Variants in ST6GAL1 observed in about 807,000 individuals in gnomAD.
ST6GAL1 encodes the protein ST6 beta-galactoside alpha-2,6-sialyltransferase 1.
A neutral mutation model predicts 38.0 loss-of-function variants in ST6GAL1; 20 were observed. The observed-to-expected ratio is 0.53, with a 90% CI of 0.37 to 0.77. The LOEUF (loss-of-function observed/expected upper bound fraction) is 0.77, where lower values mean the gene tolerates loss of function less well. Ranked by LOEUF, ST6GAL1 falls within the 30% of genes least tolerant of loss-of-function variation. The probability of loss-of-function intolerance (pLI) is 0.00; values close to 1 mark genes in which losing one functional copy is unlikely to be tolerated. For synonymous variants in ST6GAL1, 196 were observed against 188.2 expected (o/e 1.04, Z -0.34); for missense variants, 432 against 496.4 (o/e 0.87, Z 1.23).
intron 1 of ST6GAL1, 117 bp from the exon 2 acceptor site, chr3:186,963,668 A>G (rs1217418661): frequency 6.6e-6 from 1 of 152,276 alleles, no homozygotes; most frequent in Non-Finnish European, 1.5e-5. Context: ...CCTGGAAAGG[A>G]GGCTGGCTGC....
chr3:187,012,075 C>A (rs753019166), intron 2 of ST6GAL1, among the ~76,000 whole-genome samples: 2 of 152,138 alleles, frequency 1.3e-5, no homozygotes, highest in Non-Finnish European at 2.9e-5. Flanking sequence ...CCTCCCCACT[C>A]ACTGTTTGCC....
At chr3:187,060,042 T>G (rs1193938273) in intron 5 of ST6GAL1, among the ~76,000 whole-genome samples, 1 of 152,034 alleles carries the variant, frequency 6.6e-6, no homozygotes, top group African/African-American at 2.4e-5. Flanking sequence ...GGTACAGTTT[T>G]GTGTGGAAGG....
At chr3:186,991,851 C>G (rs983280541) in intron 2 of ST6GAL1, among the ~76,000 whole-genome samples, 13 of 152,156 alleles carry the variant, frequency 8.5e-5, no homozygotes, top group Admixed American at 3.3e-4. Context: ...GCTCACCTTC[C>G]CACAATAGAA....
chr3:186,991,976 A>T (rs1433858911), intron 2 of ST6GAL1, among the ~76,000 whole-genome samples: 1 of 151,454 alleles, frequency 6.6e-6, no homozygotes, highest in African/African-American at 2.4e-5. Flanking sequence ...TCTCCAGCTG[A>T]CCTCCCATAT....
chr3:186,968,449 A>G (rs1488478830), intron 2 of ST6GAL1, among the ~76,000 whole-genome samples: 3 of 152,114 alleles, frequency 2.0e-5, no homozygotes, highest in Non-Finnish European at 4.4e-5. Flanking sequence ...TCATGAAACT[A>G]TCCCCACAAT....
intron 2 of ST6GAL1, among the ~76,000 whole-genome samples, chr3:187,031,327 G>C (rs1717742452): frequency 2.0e-5 from 3 of 152,166 alleles, no homozygotes; most frequent in Admixed American, 2.0e-4. Flanking sequence ...TACTTAATCT[G>C]GGCAAATTAT....
chr3:187,026,603 A>G (rs1020699614), intron 2 of ST6GAL1, among the ~76,000 whole-genome samples: 7 of 152,244 alleles, frequency 4.6e-5, no homozygotes, highest in Non-Finnish European at 1.0e-4. Context: ...AAGATAACTT[A>G]CAGTACAAAA....
At chr3:187,005,277 T>TCC (rs1716747187) in intron 2 of ST6GAL1, among the ~76,000 whole-genome samples, 1 of 141,462 alleles carries the variant, frequency 7.1e-6, no homozygotes, top group African/African-American at 2.6e-5. Flanking sequence ...TTCTTTTTTT[T>TCC]TTTTTTTTTT....
intron 2 of ST6GAL1, among the ~76,000 whole-genome samples, chr3:187,022,296 ATTG>A (rs1487642532): frequency 1.3e-5 from 2 of 151,942 alleles, no homozygotes. Flanking sequence ...TTCTGTGTTG[ATTG>A]TTGTGGTGTG....
chr3:187,011,257 C>T (rs1716948172), intron 2 of ST6GAL1, among the ~76,000 whole-genome samples: 1 of 152,186 alleles, frequency 6.6e-6, no homozygotes, highest in Admixed American at 6.5e-5. Context: ...CTTCGGCCTC[C>T]CAAAGTGCTG....
At position 187,023,499 on chromosome 3, in the gene ST6GAL1, A is replaced by G. The variant is rs1017865227; in HGVS notation, c.-182-15243A>G. Among the ~76,000 whole-genome samples the G allele has an allele frequency of 7.9e-5, 12 of 152,340 alleles. No homozygotes were observed. In the South Asian group the frequency reaches 1.7e-3, roughly 21 times the overall value. ...TTGGAACCAACCCAAATGTCCAACA[A>G]TGATAGACTGGATTAGGAAAATGTG... On this transcript the variant is annotated intron_variant, in intron 2 of 7. Transcript: ENST00000169298.
intron 2 of ST6GAL1, among the ~76,000 whole-genome samples, chr3:186,969,390 A>G (rs1290182013): frequency 6.6e-6 from 1 of 152,060 alleles, no homozygotes; most frequent in African/African-American, 2.4e-5. Context: ...GTGATATCTC[A>G]TTGTGTTTTT....
chr3:186,995,115 A>G (rs569950526), intron 2 of ST6GAL1, among the ~76,000 whole-genome samples: 1 of 152,282 alleles, frequency 6.6e-6, no homozygotes, highest in African/African-American at 2.4e-5. Context: ...GTTTGAGTGT[A>G]TGTATATAGA....
intron 4 of ST6GAL1, among the ~76,000 whole-genome samples, chr3:187,045,905 A>T (rs778624067): frequency 1.8e-4 from 28 of 152,186 alleles, no homozygotes; most frequent in Non-Finnish European, 3.8e-4. Flanking sequence ...TCCTGTTTGG[A>T]CGGCATGTGG....
At chr3:187,012,569 A>T (rs1286379757) in intron 2 of ST6GAL1, among the ~76,000 whole-genome samples, 2 of 152,142 alleles carry the variant, frequency 1.3e-5, no homozygotes, top group Non-Finnish European at 2.9e-5. Flanking sequence ...TTTTAAGGTT[A>T]TTTGAACACC....
intron 5 of ST6GAL1, among the ~76,000 whole-genome samples, chr3:187,062,022 A>C (rs1362080961): frequency 2.6e-5 from 4 of 152,240 alleles, no homozygotes; most frequent in African/African-American, 9.6e-5. Flanking sequence ...TTCAAACAAC[A>C]ATAAAAAAAA....
At chr3:187,000,748 C>A (rs187530175) in intron 2 of ST6GAL1, among the ~76,000 whole-genome samples, 160 of 152,296 alleles carry the variant, frequency 1.1e-3, no homozygotes, top group African/African-American at 3.8e-3. Context: ...GGCACCCACA[C>A]ATTTATGTTT....
At chr3:186,995,174 C>T (rs752661152) in intron 2 of ST6GAL1, among the ~76,000 whole-genome samples, 2 of 151,726 alleles carry the variant, frequency 1.3e-5, no homozygotes, top group Non-Finnish European at 2.9e-5. Flanking sequence ...AATTAGGATC[C>T]AGATAAAATC....
chr3:187,000,187 G>T (rs1417512347), intron 2 of ST6GAL1, among the ~76,000 whole-genome samples: 1 of 152,034 alleles, frequency 6.6e-6, no homozygotes, highest in East Asian at 1.9e-4. Flanking sequence ...TTGTAACAAT[G>T]GTCACTTGTA....
Sources: allele counts gnomAD v4.1 joint callset (sites outside exome capture counted in the v4.1 genomes callset), GRCh38; gene constraint gnomAD v4.1.1; transcripts MANE v1.5; gene names NCBI Gene and HGNC (gene_info 2026-07-23, HGNC 2026-07-21).